PHACTR2: variants seen among roughly 807,000 people sequenced by gnomAD.
The protein encoded by PHACTR2 is phosphatase and actin regulator 2.
Under a neutral mutation model 76.0 loss-of-function variants are expected in PHACTR2, and 30 were observed. The ratio of observed to expected loss-of-function variants is 0.39; its 90% confidence interval spans 0.30 to 0.54. The LOEUF is 0.54. Ranked by LOEUF, PHACTR2 falls within the 20% of genes least tolerant of loss-of-function variation. PHACTR2 has a pLI of 0.61. For missense variants in PHACTR2, 696 were observed against 781.1 expected, an observed-to-expected ratio of 0.89 and a Z score of 1.30; for synonymous variants, 292 against 292.5, an observed-to-expected ratio of 1.00 and a Z score of 0.02.
Position 143,765,615 on chromosome 6 carries a change from C to A in PHACTR2, c.1049C>A (p.Pro350His), listed in dbSNP as rs200996920. 3 of 1,614,028 alleles carry A rather than the reference C, an allele frequency of 1.9e-6. No homozygotes were observed. Among genetic ancestry groups the A allele is most frequent in the Admixed American group, 1.7e-5 (1 of 60,000 alleles). Residue 350 changes from proline (P) to histidine (H), a missense_variant, in exon 6 of 13, where the codon CCT becomes CAT. Transcript: ENST00000440869. This position sits in a 1 kb window ranked among gnomAD's most constrained non-coding sequence, Gnocchi z 4.1. ...CCAGCACCTTCTCCTCTGGCCCCCC[C>A]TCTCCCTCTTGAGGATCAGTGCATT... ...VAPAPSPLAPPLPLEDQCITA... is the reference protein window; with the variant it reads ...VAPAPSPLAPHLPLEDQCITA...
intron 1 of PHACTR2, among the ~76,000 whole-genome samples, chr6:143,638,152 A>G (rs1261395633): frequency 6.6e-6 from 1 of 152,228 alleles, no homozygotes; most frequent in Non-Finnish European, 1.5e-5. Context: ...CACAAATACT[A>G]AGGTCTTCCT....
At chr6:143,637,135 G>A (rs1220076203) in intron 1 of PHACTR2, among the ~76,000 whole-genome samples, 2 of 152,116 alleles carry the variant, frequency 1.3e-5, no homozygotes, top group Admixed American at 6.5e-5. Flanking sequence ...GTGACTAACC[G>A]GGGGTGGTGC....
chr6:143,794,585 G>C lies in PHACTR2; in HGVS notation c.1845+5675G>C, dbSNP rs1028096756. Among the ~76,000 whole-genome samples, 5 of 152,098 alleles carry C rather than the reference G, an allele frequency of 3.3e-5. No individual in the cohort carries two copies. Among genetic ancestry groups the C allele is most frequent in the African/African-American group, 1.2e-4 (5 of 41,422 alleles). ...GAGTTGGGTGGATCACTTGAGGTCA[G>C]GAGTTCAAGACCAGCCTGGCCAACA... On this transcript the variant is annotated intron_variant, in intron 11 of 12. Coordinates refer to ENST00000440869, the MANE Select transcript of PHACTR2 (RefSeq NM_001100164.2). The surrounding 1 kb of genome is among the most constrained non-coding windows in gnomAD (Gnocchi z 4.1).
In PHACTR2 at chr6:143,743,464, T is replaced by C. The variant is rs139560753; in HGVS notation, c.215-5521T>C. On this transcript the variant is annotated intron_variant, in intron 2 of 12. Coordinates refer to ENST00000440869, the MANE Select transcript of PHACTR2 (RefSeq NM_001100164.2). The surrounding 1 kb of genome is among the most constrained non-coding windows in gnomAD (Gnocchi z 5.0). ...AAATCGCCAGACCCCTGAGTGTTTT[T>C]AGGTGGGGATGTTGGCTTTGTATCT... 6.6e-6 allele frequency among the ~76,000 whole-genome samples: 1 copy of C among 152,298 alleles called. No homozygotes were observed. The highest frequency in any genetic ancestry group is 2.4e-5 in the African/African-American group (1 of 41,568).
At position 143,537,242 on chromosome 6, in the gene PHACTR2, C is replaced by A; in HGVS notation, c.217+35C>A. ...GCTCGGGGCGCGGGCCGGGGAGGGC[C>A]GGCCGCGGGCAGGTGGCCGCGAGGG... is the stretch of plus-strand genomic sequence containing the variant. On this transcript the variant is annotated intron_variant, in intron 1 of 11. Transcript: ENST00000367584. The surrounding 1 kb of genome is among the most constrained non-coding windows in gnomAD (Gnocchi z 4.4). The A allele has an allele frequency of 5.4e-6, 1 of 186,374 alleles. No homozygotes were observed. The highest frequency in any genetic ancestry group is 1.1e-5 in the Non-Finnish European group (1 of 91,890). The allele number at this position is 186,374 out of a possible 1,614,324, so 11.5% of individuals were successfully genotyped here. A position where few individuals can be genotyped will look rare whatever the true frequency, so the allele number is the denominator to read the frequency against.
intron 1 of PHACTR2, among the ~76,000 whole-genome samples, chr6:143,569,639 A>G (rs9373394): frequency 0.61 from 93,247 of 152,040 alleles, 28,938 homozygotes; most frequent in Middle Eastern, 0.72. Context: ...GGTGGTATGT[A>G]GGATATTTTT....
chr6:143,704,960 G>A (rs10457750), intron 1 of PHACTR2, among the ~76,000 whole-genome samples: 62,963 of 147,066 alleles, frequency 0.43, 13,690 homozygotes, highest in Middle Eastern at 0.6. Flanking sequence ...CCCGAGTAGC[G>A]GGACTACACA....
In PHACTR2 at chr6:143,596,117, C is replaced by T. The variant is rs977996322; in HGVS notation, c.217+58910C>T. On this transcript the variant is annotated intron_variant, in intron 1 of 11. Coordinates refer to the PHACTR2 transcript ENST00000367584. The surrounding 1 kb of genome is among the most constrained non-coding windows in gnomAD (Gnocchi z 4.6). ...TATGCTTATTAAGTAATTTAACTAT[C>T]TCAAATGAATTACAGATATTTTATA... Among the ~76,000 whole-genome samples the T allele has an allele frequency of 1.3e-5, 2 of 152,170 alleles. No individual in the cohort carries two copies. Among genetic ancestry groups the T allele is most frequent in the African/African-American group, 4.8e-5 (2 of 41,426 alleles).
At position 143,774,969 on chromosome 6, in the gene PHACTR2, T is replaced by G. The variant is rs914805157; in HGVS notation, c.1589+754T>G. The stretch of plus-strand genomic sequence containing the variant: ...CAGTTTAAGCACATGTAAGAATTAG[T>G]TGTTCTGCTGACTTGTCTTACTCTG... On this transcript the variant is annotated intron_variant, in intron 8 of 12. Coordinates refer to ENST00000440869, the MANE Select transcript of PHACTR2 (RefSeq NM_001100164.2). This position sits in a 1 kb window ranked among gnomAD's most constrained non-coding sequence, Gnocchi z 5.4. Among the ~76,000 whole-genome samples, 1 of 152,230 alleles carries G rather than the reference T, an allele frequency of 6.6e-6. No homozygotes were observed.
chr6:143,601,149 A>T (rs1480035675), intron 1 of PHACTR2, among the ~76,000 whole-genome samples: 2 of 152,218 alleles, frequency 1.3e-5, no homozygotes, highest in Non-Finnish European at 2.9e-5. Context: ...GTGCCTGGTA[A>T]ATAGTCAATG....
intron 11 of PHACTR2, among the ~76,000 whole-genome samples, chr6:143,797,781 C>T (rs973271049): frequency 3.3e-5 from 5 of 152,178 alleles, no homozygotes; most frequent in African/African-American, 1.2e-4. Context: ...GGCACCAGTA[C>T]CATGCTGTTT....
rs937386429 is a variant in PHACTR2, at chr6:143,596,893, G to T, written c.217+59686G>T. Among the ~76,000 whole-genome samples, 5 of 152,148 alleles carry T rather than the reference G, an allele frequency of 3.3e-5. No homozygotes were observed. The highest frequency in any genetic ancestry group is 2.0e-4 in the Admixed American group (3 of 15,280). ...CATGGCGTCCAACTCTGGGGCTGTT[G>T]CTAGGGCTCTGCAGCCCTTGCTGAA... On this transcript the variant is annotated intron_variant, in intron 1 of 11. Transcript: ENST00000367584. The surrounding 1 kb of genome is among the most constrained non-coding windows in gnomAD (Gnocchi z 4.6).
intron 1 of PHACTR2, among the ~76,000 whole-genome samples, chr6:143,681,008 T>C (rs761565309): frequency 6.6e-6 from 1 of 152,212 alleles, no homozygotes; most frequent in East Asian, 1.9e-4. Flanking sequence ...CATTTATCAG[T>C]TGATGGACAT....
intron 1 of PHACTR2, among the ~76,000 whole-genome samples, chr6:143,584,762 C>G (rs1470634816): frequency 1.3e-5 from 2 of 152,100 alleles, no homozygotes; most frequent in Non-Finnish European, 2.9e-5. Flanking sequence ...CCACTGCTGT[C>G]ATGAGGAGGG....
intron 1 of PHACTR2, among the ~76,000 whole-genome samples, chr6:143,701,800 G>T (rs11968852): frequency 0.024 from 3,642 of 152,226 alleles, 148 homozygotes; most frequent in African/African-American, 0.083. Flanking sequence ...CTTAGAACAG[G>T]TCCTTTTTTT....
chr6:143,814,489 G>T (rs999237227), intron 12 of PHACTR2, among the ~76,000 whole-genome samples: 3 of 151,696 alleles, frequency 2.0e-5, no homozygotes, highest in African/African-American at 7.3e-5. Context: ...CTGTTTCAGG[G>T]GTGGCAGAGG....
rs911481842 is a variant in PHACTR2 at position 143,695,580 on chromosome 6, A to G, written c.47-16436A>G. Reference sequence around the variant, plus strand: ...GCTGGGCACTGCAGTCCTAGAGGCAAAGGGAATGAGCATAAGGTTCCTGCT... The same window carrying G: ...GCTGGGCACTGCAGTCCTAGAGGCAGAGGGAATGAGCATAAGGTTCCTGCT... On this transcript the variant is annotated intron_variant, in intron 1 of 12. Coordinates refer to ENST00000440869, the MANE Select transcript of PHACTR2 (RefSeq NM_001100164.2). This position sits in a 1 kb window ranked among gnomAD's most constrained non-coding sequence, Gnocchi z 4.4. Among the ~76,000 whole-genome samples, 7 of 152,210 alleles carry G rather than the reference A, an allele frequency of 4.6e-5. No homozygotes were observed. The highest frequency in any genetic ancestry group is 1.0e-4 in the Non-Finnish European group (7 of 68,028).
In PHACTR2 at chr6:143,755,824, A is replaced by G. The variant is rs1470036342; in HGVS notation, c.454+1912A>G. Among the ~76,000 whole-genome samples, 1 of 152,206 alleles carries G rather than the reference A, an allele frequency of 6.6e-6. No individual in the cohort carries two copies. The highest frequency in any genetic ancestry group is 1.9e-4 in the East Asian group (1 of 5,182). On this transcript the variant is annotated intron_variant, in intron 4 of 12. Coordinates refer to ENST00000440869, the MANE Select transcript of PHACTR2 (RefSeq NM_001100164.2). The surrounding 1 kb of genome is among the most constrained non-coding windows in gnomAD (Gnocchi z 5.2). ...CGCATAACTAATATTACAGTGTATT[A>G]TGTTAATTAGAAAATGCCTTATGAC...
At chr6:143,632,324 G>T (rs1014411493) in intron 1 of PHACTR2, among the ~76,000 whole-genome samples, 60 of 152,104 alleles carry the variant, frequency 3.9e-4, no homozygotes, top group Non-Finnish European at 2.5e-4. Flanking sequence ...TTTTACCTAA[G>T]TATGTATGTT....
Sources: allele counts gnomAD v4.1 joint callset (sites outside exome capture counted in the v4.1 genomes callset), GRCh38; gene constraint gnomAD v4.1.1; non-coding constraint Gnocchi (gnomAD v3.1); transcripts MANE v1.5; gene names NCBI Gene and HGNC (gene_info 2026-07-23, HGNC 2026-07-21).